Variants in GAS7 observed in about 807,000 individuals in gnomAD.
GAS7 encodes growth arrest-specific protein 7.
A neutral mutation model predicts 71.1 loss-of-function variants in GAS7; 28 were observed. The ratio of observed to expected loss-of-function variants is 0.39; its 90% CI spans 0.29 to 0.54. GAS7 has a LOEUF of 0.54. Ranked by LOEUF, GAS7 falls within the 20% of genes least tolerant of loss-of-function variation. The probability of loss-of-function intolerance (pLI) is 0.62; values close to 1 mark genes in which losing one functional copy is unlikely to be tolerated. For synonymous variants in GAS7, 258 were observed against 245.8 expected (o/e 1.05, Z -0.46); for missense variants, 436 against 627.8 (o/e 0.69, Z 3.27).
intron 1 of GAS7, among the ~76,000 whole-genome samples, chr17:10,056,240 G>T (rs2073134887): frequency 6.6e-6 from 1 of 152,096 alleles, no homozygotes; most frequent in African/African-American, 2.4e-5. Flanking sequence ...TGTGCCTGTA[G>T]TCCCAGCTAC....
chr17:10,083,913 A>G (rs1286113739), intron 1 of GAS7, among the ~76,000 whole-genome samples: 1 of 152,218 alleles, frequency 6.6e-6, no homozygotes, highest in Non-Finnish European at 1.5e-5. Context: ...AAAGCACACC[A>G]AACAGGAAGA....
At chr17:9,945,808 T>TA (rs1001601975) in intron 6 of GAS7, among the ~76,000 whole-genome samples, 3 of 151,736 alleles carry the variant, frequency 2.0e-5, no homozygotes, top group Admixed American at 6.6e-5. Context: ...CTGTCTCTAT[T>TA]AAAAAAATAA....
chr17:10,071,161 T>C (rs554228122), intron 1 of GAS7, among the ~76,000 whole-genome samples: 55 of 151,254 alleles, frequency 3.6e-4, no homozygotes, highest in African/African-American at 1.0e-3. Flanking sequence ...CCCAAAAAAC[T>C]CCAAGCAGAG....
chr17:10,115,991 C>T (rs1265742335), intron 1 of GAS7, among the ~76,000 whole-genome samples: 1 of 152,206 alleles, frequency 6.6e-6, no homozygotes, highest in East Asian at 1.9e-4. Flanking sequence ...GGTGGGACCC[C>T]TCACCTCTCC....
intron 2 of GAS7, among the ~76,000 whole-genome samples, chr17:9,984,635 C>T (rs774750447): frequency 9.2e-5 from 14 of 152,182 alleles, no homozygotes; most frequent in East Asian, 1.9e-4. Flanking sequence ...GCCATTCATA[C>T]GCTGAGTGAC....
chr17:10,166,243 C>G (rs1273042754), intron 1 of GAS7, among the ~76,000 whole-genome samples: 1 of 152,004 alleles, frequency 6.6e-6, no homozygotes, highest in Non-Finnish European at 1.5e-5. Context: ...AGGCTGGTCT[C>G]GAACTCCTGG....
chr17:10,148,962 T>C (rs976119495), intron 1 of GAS7, among the ~76,000 whole-genome samples: 6 of 149,492 alleles, frequency 4.0e-5, no homozygotes, highest in African/African-American at 1.5e-4. Context: ...TCAGGTCAAC[T>C]GGATGATGAA....
intron 1 of GAS7, among the ~76,000 whole-genome samples, chr17:10,073,993 T>C (rs2073366701): frequency 6.6e-6 from 1 of 152,224 alleles, no homozygotes; most frequent in African/African-American, 2.4e-5. Flanking sequence ...GCACCTACTA[T>C]ATGTCAGGCG....
intron 5 of GAS7, among the ~76,000 whole-genome samples, chr17:9,949,924 C>T (rs1029851402): frequency 2.7e-5 from 4 of 150,644 alleles, no homozygotes; most frequent in East Asian, 2.0e-4. Flanking sequence ...TGCAGTGGCA[C>T]GATCTCGGCT....
At chr17:10,177,443 C>A (rs2074381098) in intron 1 of GAS7, among the ~76,000 whole-genome samples, 1 of 151,954 alleles carries the variant, frequency 6.6e-6, no homozygotes, top group Non-Finnish European at 1.5e-5. Context: ...CAGTGGAGAT[C>A]AGGTGTGGAG....
chr17:9,945,854 C>T (rs2068767082), intron 6 of GAS7, among the ~76,000 whole-genome samples: 1 of 151,838 alleles, frequency 6.6e-6, no homozygotes, highest in Non-Finnish European at 1.5e-5. Context: ...TGTGGTGGCA[C>T]ACATCTGTAG....
Position 9,974,482 on chromosome 17 carries a change from T to TA in GAS7, c.386-4721dup, listed in dbSNP as rs926045352. On this transcript the variant is annotated intron_variant, in intron 3 of 13. Transcript: ENST00000432992. This position sits in a 1 kb window ranked among gnomAD's most constrained non-coding sequence, Gnocchi z 4.0. ...AATGAAATTGGTCAAGGATCGCTCA[T>TA]AAAGGGAACATAATTCAGTCTGGAG... Among the ~76,000 whole-genome samples the TA allele has an allele frequency of 6.7e-6, 1 of 148,946 alleles. No homozygotes were observed. Among genetic ancestry groups the TA allele is most frequent in the African/African-American group, 2.5e-5 (1 of 40,226 alleles).
rs537902245 is a variant in GAS7, at chr17:10,034,127, C to T, written c.184-14230G>A. The T allele has an allele frequency of 1.5e-5, 15 of 985,186 alleles. No individual in the cohort carries two copies. Among genetic ancestry groups the T allele is most frequent in the Non-Finnish European group, 1.7e-5 (14 of 829,788 alleles). The allele number at this position is 985,186 out of a possible 1,614,324, so 61.0% of individuals were successfully genotyped here. A position where few individuals can be genotyped will look rare whatever the true frequency, so the allele number is the denominator to read the frequency against. Reference sequence around the variant, plus strand: ...GAGACCTACCACTGCTCTGTGCCACCGTGCGAAGAACACAGGATGGGAATC... The same window carrying T: ...GAGACCTACCACTGCTCTGTGCCACTGTGCGAAGAACACAGGATGGGAATC... On this transcript the variant is annotated intron_variant, in intron 1 of 13. Transcript: ENST00000432992. The surrounding 1 kb of genome is among the most constrained non-coding windows in gnomAD (Gnocchi z 4.4).
intron 1 of GAS7, among the ~76,000 whole-genome samples, chr17:10,159,951 A>G (rs1172417399): frequency 6.6e-6 from 1 of 151,274 alleles, no homozygotes; most frequent in Non-Finnish European, 1.5e-5. Context: ...ACACCTAGCT[A>G]ATTTTTTTGT....
At chr17:10,003,465 C>T (rs994458552) in intron 2 of GAS7, among the ~76,000 whole-genome samples, 21 of 152,232 alleles carry the variant, frequency 1.4e-4, no homozygotes, top group African/African-American at 3.9e-4. Flanking sequence ...CCCATGGGGT[C>T]CCCACAATCT....
intron 1 of GAS7, among the ~76,000 whole-genome samples, chr17:10,050,710 C>T (rs554053257): frequency 7.2e-5 from 11 of 152,266 alleles, no homozygotes; most frequent in African/African-American, 2.4e-4. Flanking sequence ...AAAGGAAGGG[C>T]CCAGGGAGGA....
At chr17:10,035,143 C>A (rs1157397085) in intron 1 of GAS7, among the ~76,000 whole-genome samples, 1 of 118,596 alleles carries the variant, frequency 8.4e-6, no homozygotes. Context: ...CTTCAGTGTT[C>A]TTCTTCTCTG....
chr17:10,126,276 T>C (rs1027341673), intron 1 of GAS7, among the ~76,000 whole-genome samples: 2 of 152,202 alleles, frequency 1.3e-5, no homozygotes, highest in Middle Eastern at 3.4e-3. Context: ...TAATGAATGG[T>C]GTGAGGGAAA....
rs1160993348 is a variant in GAS7, at chr17:10,019,672, A to C, written c.304+105T>G. The C allele has an allele frequency of 2.1e-5, 25 of 1,171,994 alleles. No homozygotes were observed. In the South Asian group the frequency reaches 3.5e-4, roughly 16 times the overall value. 72.6% of individuals were successfully genotyped at this position (1,171,994 alleles called of 1,614,324 possible). Reference sequence around the variant, plus strand: ...GCCCCTGAGCATAGACTTAAGAAGAAAAAACCCCCAAACAGAGAGGCGAAG... The same window carrying C: ...GCCCCTGAGCATAGACTTAAGAAGACAAAACCCCCAAACAGAGAGGCGAAG... On this transcript the variant is annotated intron_variant, in intron 2 of 13. Coordinates refer to ENST00000432992, the MANE Select transcript of GAS7 (RefSeq NM_201433.2).
Sources: gnomAD v4.1 joint callset for allele counts (sites outside exome capture counted in the v4.1 genomes callset) on GRCh38, gnomAD v4.1.1 for gene constraint, Gnocchi (gnomAD v3.1) non-coding constraint, MANE v1.5 for transcripts, NCBI Gene and HGNC (gene_info 2026-07-23, HGNC 2026-07-21) for gene names.